SOX6: variants seen among roughly 807,000 people sequenced by gnomAD.
SOX6 encodes transcription factor SOX-6.
In SOX6, 11 loss-of-function variants were observed where a neutral mutation model predicts 97.8. That is an observed-to-expected ratio of 0.11 (90% confidence interval 0.07 to 0.19). The LOEUF (loss-of-function observed/expected upper bound fraction) is 0.19. Ranked by LOEUF, SOX6 falls within the 10% of genes least tolerant of loss-of-function variation. SOX6 has a pLI of 1.00. For missense variants in SOX6, 810 were observed against 1,039.5 expected, an observed-to-expected ratio of 0.78 and a Z score of 3.04; for synonymous variants, 360 against 371.4, an observed-to-expected ratio of 0.97 and a Z score of 0.35.
intron 4 of SOX6, among the ~76,000 whole-genome samples, chr11:16,589,935 G>C (rs1203852912): frequency 1.3e-5 from 2 of 151,990 alleles, no homozygotes; most frequent in African/African-American, 4.8e-5. Context: ...TTTTATAAAA[G>C]ATAAAAAAGC....
chr11:16,050,289 C>T (rs1232333452), intron 10 of SOX6, among the ~76,000 whole-genome samples: 1 of 152,150 alleles, frequency 6.6e-6, no homozygotes, highest in Non-Finnish European at 1.5e-5. Context: ...CTCTGTAGTG[C>T]TTTTGTGTTA....
At chr11:16,086,835 T>C (rs61145028) in intron 9 of SOX6, among the ~76,000 whole-genome samples, 3,966 of 152,294 alleles carry the variant, frequency 0.026, 176 homozygotes, top group African/African-American at 0.09. Context: ...AACTGGAAAT[T>C]TGAAAAATAC....
At chr11:16,044,058 A>C (rs552410688) in intron 12 of SOX6, among the ~76,000 whole-genome samples, 2 of 152,270 alleles carry the variant, frequency 1.3e-5, no homozygotes, top group East Asian at 3.9e-4. Context: ...TTTTTAAAAA[A>C]TTAAAACTTG....
At chr11:16,515,922 C>T (rs902667331) in intron 4 of SOX6, among the ~76,000 whole-genome samples, 2 of 146,658 alleles carry the variant, frequency 1.4e-5, no homozygotes, top group African/African-American at 2.5e-5. Flanking sequence ...TGTTTTGGTA[C>T]CAGTACCATG....
At chr11:16,526,713 C>G (rs925047072) in intron 4 of SOX6, among the ~76,000 whole-genome samples, 3 of 152,032 alleles carry the variant, frequency 2.0e-5, no homozygotes, top group Non-Finnish European at 4.4e-5. Context: ...AAAGTACTAA[C>G]TTATCTAAAT....
At chr11:16,054,085 A>C (rs1409533720) in intron 10 of SOX6, among the ~76,000 whole-genome samples, 1 of 152,204 alleles carries the variant, frequency 6.6e-6, no homozygotes, top group Non-Finnish European at 1.5e-5. Flanking sequence ...GTGAGTAATA[A>C]AATTCAGCTG....
intron 9 of SOX6, among the ~76,000 whole-genome samples, chr11:16,086,689 CA>C (rs1458234085): frequency 1.3e-5 from 2 of 152,078 alleles, no homozygotes; most frequent in African/African-American, 4.8e-5. Flanking sequence ...CTCAAAAAAA[CA>C]GGGTTCTGGC....
At chr11:15,982,045 G>A (rs1165542827) in intron 15 of SOX6, among the ~76,000 whole-genome samples, 1 of 151,900 alleles carries the variant, frequency 6.6e-6, no homozygotes, top group Admixed American at 6.6e-5. Context: ...AGATTGCCAT[G>A]TATTAGTTCC....
chr11:16,297,813 T>C (rs1000477141), intron 3 of SOX6, among the ~76,000 whole-genome samples: 7 of 152,166 alleles, frequency 4.6e-5, no homozygotes, highest in Non-Finnish European at 8.8e-5. Context: ...TTGAGTGATG[T>C]TCAGCCAGTT....
intron 3 of SOX6, among the ~76,000 whole-genome samples, chr11:16,303,186 A>T (rs929551030): frequency 6.6e-6 from 1 of 152,172 alleles, no homozygotes; most frequent in Non-Finnish European, 1.5e-5. Context: ...ATTCTCTAAA[A>T]ATTAAAGCTA....
intron 2 of SOX6, among the ~76,000 whole-genome samples, chr11:16,731,849 A>G (rs960064377): frequency 6.6e-6 from 1 of 152,180 alleles, no homozygotes; most frequent in African/African-American, 2.4e-5. Flanking sequence ...AAACACCAAC[A>G]TCTCAGCCCA....
At chr11:16,344,060 AT>A (rs1856712334) in intron 1 of SOX6, among the ~76,000 whole-genome samples, 1 of 151,956 alleles carries the variant, frequency 6.6e-6, no homozygotes, top group Admixed American at 6.6e-5. Context: ...AGGAATTAAC[AT>A]TTTTTGTTCC....
At chr11:16,008,259 T>C (rs1347935114) in intron 13 of SOX6, among the ~76,000 whole-genome samples, 3 of 152,120 alleles carry the variant, frequency 2.0e-5, no homozygotes, top group Non-Finnish European at 2.9e-5. Flanking sequence ...ATTTTTTATC[T>C]ACAGTTGATT....
intron 4 of SOX6, among the ~76,000 whole-genome samples, chr11:16,583,294 C>G (rs996395755): frequency 1.3e-5 from 2 of 151,782 alleles, no homozygotes; most frequent in Non-Finnish European, 2.9e-5. Context: ...TGGGAACATT[C>G]AATCCTCTCT....
At chr11:16,101,772 A>T (rs1848952607) in intron 7 of SOX6, among the ~76,000 whole-genome samples, 2 of 151,914 alleles carry the variant, frequency 1.3e-5, no homozygotes, top group South Asian at 4.1e-4. Flanking sequence ...AATTAAAAAT[A>T]AAACTCACAT....
At position 16,267,940 on chromosome 11, in the gene SOX6, A is replaced by G. The variant is rs1854133664; in HGVS notation, c.446-33269T>C. On this transcript the variant is annotated intron_variant, in intron 3 of 15. Transcript: ENST00000683767. ...AACATCATGCTAAGTCAAATAAGCC[A>G]AACACAGAAAGACAAATACCACATT... is the stretch of plus-strand genomic sequence containing the variant. 2.6e-5 allele frequency among the ~76,000 whole-genome samples: 4 copies of G among 151,654 alleles called. No individual in the cohort carries two copies. The South Asian group carries it at 8.3e-4, about 31-fold the overall frequency.
At chr11:16,143,259 T>C (rs576502992) in intron 6 of SOX6, among the ~76,000 whole-genome samples, 91 of 152,252 alleles carry the variant, frequency 6.0e-4, no homozygotes, top group African/African-American at 2.2e-3. Context: ...CTAAGCTTCA[T>C]AAGTGAAGGA....
At chr11:16,291,285 T>C (rs1324391533) in intron 3 of SOX6, among the ~76,000 whole-genome samples, 1 of 148,068 alleles carries the variant, frequency 6.8e-6, no homozygotes, top group Non-Finnish European at 1.5e-5. Context: ...ATACGAGGTG[T>C]TGTGCTGTCT....
intron 1 of SOX6, among the ~76,000 whole-genome samples, chr11:16,414,303 T>C (rs4756850): frequency 0.2 from 30,825 of 152,198 alleles, 3,373 homozygotes; most frequent in Admixed American, 0.32. Context: ...TTCATTTAAC[T>C]CATCTGCAAA....
Sources: gnomAD v4.1 joint callset for allele counts (sites outside exome capture counted in the v4.1 genomes callset) on GRCh38, gnomAD v4.1.1 for gene constraint, MANE v1.5 for transcripts, NCBI Gene and HGNC (gene_info 2026-07-23, HGNC 2026-07-21) for gene names.